The following MTUS2 variants were observed in gnomAD, a reference collection of about 807,000 sequenced individuals.
MTUS2 encodes microtubule-associated tumor suppressor candidate 2.
A neutral mutation model predicts 114.1 loss-of-function variants in MTUS2; 40 were observed. The ratio of observed to expected loss-of-function variants is 0.35; its 90% CI spans 0.27 to 0.46. The LOEUF is 0.46. Among genes scored for constraint, MTUS2 ranks in the 20% least tolerant of loss-of-function variants. The pLI, the probability that MTUS2 is intolerant of heterozygous loss-of-function variation, is 1.00. For missense variants in MTUS2, 1,679 were observed against 1,705.4 expected, an observed-to-expected ratio of 0.98 and a Z score of 0.27; for synonymous variants, 688 against 672.0, an observed-to-expected ratio of 1.02 and a Z score of -0.37.
At chr13:29,100,620 T>C (rs967841087) in intron 4 of MTUS2, among the ~76,000 whole-genome samples, 153 bp from the exon 5 acceptor site, 4 of 152,172 alleles carry the variant, frequency 2.6e-5, no homozygotes, top group African/African-American at 7.2e-5. Flanking sequence ...GCCTTTCTCT[T>C]CCAAGGTCCA....
chr13:29,241,506 T>C (rs1196872758), intron 5 of MTUS2, among the ~76,000 whole-genome samples: 1 of 152,106 alleles, frequency 6.6e-6, no homozygotes, highest in South Asian at 2.1e-4. Context: ...TCAAGTCACC[T>C]CTCCTGGGAA....
chr13:29,072,605 A>C (rs570285077), intron 4 of MTUS2, among the ~76,000 whole-genome samples: 30 of 152,306 alleles, frequency 2.0e-4, no homozygotes, highest in African/African-American at 7.2e-4. Flanking sequence ...TTTTACTTCC[A>C]TTTTGAAATG....
intron 8 of MTUS2, among the ~76,000 whole-genome samples, chr13:29,400,164 A>G (rs1159705135): frequency 6.6e-6 from 1 of 152,234 alleles, no homozygotes; most frequent in East Asian, 1.9e-4. Context: ...ACAAAGATTT[A>G]AAGATTTACC....
At chr13:29,455,120 G>GGTAAACACC (rs1330093066) in intron 9 of MTUS2, among the ~76,000 whole-genome samples, 1 of 152,178 alleles carries the variant, frequency 6.6e-6, no homozygotes, top group Non-Finnish European at 1.5e-5. Flanking sequence ...GGGCCGAAGA[G>GGTAAACACC]GTAAACACCA....
intron 2 of MTUS2, among the ~76,000 whole-genome samples, chr13:28,919,549 C>T (rs1051251514): frequency 6.6e-6 from 1 of 151,862 alleles, no homozygotes; most frequent in African/African-American, 2.4e-5. Context: ...TTGAGGTAGT[C>T]CTCTTTGGAT....
chr13:29,482,578 G>C (rs939036962), intron 10 of MTUS2, among the ~76,000 whole-genome samples: 5 of 152,170 alleles, frequency 3.3e-5, no homozygotes, highest in African/African-American at 1.2e-4. Flanking sequence ...TTGTATGTAC[G>C]CAAAGCACCA....
At chr13:29,283,011 G>A (rs4112559) in intron 6 of MTUS2, among the ~76,000 whole-genome samples, 1 of 152,098 alleles carries the variant, frequency 6.6e-6, no homozygotes, top group Non-Finnish European at 1.5e-5. Context: ...TGAGTGGGTG[G>A]CATTGTTTCT....
chr13:28,941,159 T>A (rs1882212970), intron 2 of MTUS2, among the ~76,000 whole-genome samples: 1 of 152,174 alleles, frequency 6.6e-6, no homozygotes, highest in Non-Finnish European at 1.5e-5. Context: ...TTTCCAACTT[T>A]TTGGTCTTAG....
chr13:29,124,678 A>G (rs947124213), intron 5 of MTUS2, among the ~76,000 whole-genome samples: 3 of 152,236 alleles, frequency 2.0e-5, no homozygotes, highest in African/African-American at 7.2e-5. Context: ...GTGGTAACAG[A>G]CCAAGTAACC....
At chr13:28,965,151 C>G (rs757611748) in intron 2 of MTUS2, among the ~76,000 whole-genome samples, 1 of 152,198 alleles carries the variant, frequency 6.6e-6, no homozygotes, top group Non-Finnish European at 1.5e-5. Flanking sequence ...TCTAGCTCTT[C>G]CTGCCAGTGG....
At chr13:28,955,074 G>A (rs1364772172) in intron 2 of MTUS2, among the ~76,000 whole-genome samples, 1 of 152,164 alleles carries the variant, frequency 6.6e-6, no homozygotes, top group Admixed American at 6.5e-5. Flanking sequence ...TTTTCACTGG[G>A]TTATGTTTAT....
At chr13:29,150,893 A>G (rs1892638020) in intron 5 of MTUS2, among the ~76,000 whole-genome samples, 1 of 152,110 alleles carries the variant, frequency 6.6e-6, no homozygotes, top group Non-Finnish European at 1.5e-5. Context: ...ATGGTGTTCC[A>G]TTCGTCTACA....
At chr13:29,409,413 C>A (rs762020671) in intron 8 of MTUS2, among the ~76,000 whole-genome samples, 11 of 152,098 alleles carry the variant, frequency 7.2e-5, no homozygotes, top group South Asian at 2.1e-4. Context: ...TCCAAAGTTA[C>A]TTAGGTTAAT....
intron 8 of MTUS2, among the ~76,000 whole-genome samples, chr13:29,385,485 G>A (rs1171303450): frequency 1.3e-5 from 2 of 152,178 alleles, no homozygotes; most frequent in African/African-American, 2.4e-5. Context: ...TTTCTTAGGT[G>A]TCTTCCTCTA....
chr13:29,091,779 A>G (rs1040294856), intron 4 of MTUS2, among the ~76,000 whole-genome samples: 9 of 152,212 alleles, frequency 5.9e-5, no homozygotes, highest in Admixed American at 5.2e-4. Flanking sequence ...TCAATTAATC[A>G]TTGAATCTTC....
intron 7 of MTUS2, among the ~76,000 whole-genome samples, chr13:29,348,252 G>C (rs1213303182): frequency 6.6e-6 from 1 of 151,972 alleles, no homozygotes; most frequent in Non-Finnish European, 1.5e-5. Flanking sequence ...TGATGCTTCT[G>C]TTACCCAGGA....
intron 5 of MTUS2, among the ~76,000 whole-genome samples, chr13:29,151,073 G>T (rs1593531702): frequency 2.0e-5 from 3 of 152,004 alleles, no homozygotes; most frequent in African/African-American, 7.2e-5. Context: ...TTCTAATTCT[G>T]TGAAAAATTA....
At chr13:29,340,030 C>T (rs1172521797) in intron 7 of MTUS2, among the ~76,000 whole-genome samples, 2 of 152,262 alleles carry the variant, frequency 1.3e-5, no homozygotes, top group African/African-American at 4.8e-5. Context: ...GTGTGCTGAG[C>T]TTGGTGACCG....
intron 5 of MTUS2, among the ~76,000 whole-genome samples, chr13:29,240,774 A>G (rs560485549): frequency 1.3e-5 from 2 of 152,148 alleles, no homozygotes; most frequent in South Asian, 2.1e-4. Context: ...TACATTTCTT[A>G]TGATTTTATT....
Sources: allele counts gnomAD v4.1 joint callset (sites outside exome capture counted in the v4.1 genomes callset), GRCh38; gene constraint gnomAD v4.1.1; transcripts MANE v1.5; gene names NCBI Gene and HGNC (gene_info 2026-07-23, HGNC 2026-07-21).